The following NBPF20 variants were observed in gnomAD, a reference collection of about 807,000 sequenced individuals.
NBPF20 encodes the protein NBPF family member NBPF20.
NBPF20 carries 90 observed loss-of-function variants against 68.1 expected under a neutral mutation model. That is an observed-to-expected ratio of 1.32 (90% CI 1.11 to 1.58). The LOEUF (loss-of-function observed/expected upper bound fraction) is 1.58. Ranked by LOEUF, NBPF20 falls within the 40% of genes most tolerant of loss-of-function variation. The probability of loss-of-function intolerance (pLI) is 0.00; values close to 1 mark genes in which losing one functional copy is unlikely to be tolerated. For missense variants in NBPF20, 816 were observed against 601.2 expected (o/e 1.36, Z -3.74); for synonymous variants, 290 against 228.1 (o/e 1.27, Z -2.45).
the NBPF20 span, among the ~76,000 whole-genome samples, chr1:145,421,082 G>T: frequency 7.0e-6 from 1 of 142,754 alleles, no homozygotes; most frequent in Non-Finnish European, 1.5e-5. Flanking sequence ...AGCTATGATG[G>T]CACCACTGAA....
rs1447191919 is a variant in NBPF20, at chr1:145,392,766, A to G, written c.1216+308T>C. Among the ~76,000 whole-genome samples, 11 of 85,238 alleles carry G rather than the reference A, an allele frequency of 1.3e-4. 2 individuals are homozygous for G. The highest frequency in any genetic ancestry group is 2.2e-4 in the Non-Finnish European group (11 of 49,058). The allele number at this position is 85,238 out of a possible 152,430, so 55.9% of individuals were successfully genotyped here. The stretch of plus-strand genomic sequence containing the variant: ...AATTAGAGTGAAGGATGAAATCTAC[A>G]AGATCTACAAAATTGAGACAAAATC... On this transcript the variant is annotated intron_variant, in intron 10 of 137. Transcript: ENST00000369373.
chr1:145,393,624 G>T (rs1480013392), intron 9 of NBPF20: 16 of 819,654 alleles, frequency 2.0e-5, no homozygotes, highest in Admixed American at 1.6e-4. Flanking sequence ...CATAAAATGT[G>T]CTCAAGTTTC....
intron 83 of NBPF20, among the ~76,000 whole-genome samples, chr1:145,334,863 A>G (rs1229874448): frequency 3.6e-5 from 5 of 138,958 alleles, no homozygotes; most frequent in Non-Finnish European, 8.2e-5. Context: ...GAGAGAGGAG[A>G]AAGTAAGCTC....
exon 138 of NBPF20, chr1:145,291,444 G>C: frequency 6.2e-7 from 1 of 1,611,490 alleles, no homozygotes; most frequent in Non-Finnish European, 8.5e-7. Flanking sequence ...GCTTCCAAAT[G>C]GAACTGTACT....
Position 145,405,327 on chromosome 1 carries a change from A to G in NBPF20, c.-35-20T>C. The G allele has an allele frequency of 1.3e-6, 2 of 1,504,944 alleles. No individual in the cohort carries two copies. Among genetic ancestry groups the G allele is most frequent in the Admixed American group, 3.4e-5 (2 of 59,694 alleles). The allele number at this position is 1,504,944 out of a possible 1,614,324, so 93.2% of individuals were successfully genotyped here. ...CAGGGACTGGGGAGAAGAAACCCAA[A>G]CATATGATGGGTTAAAAACTGGTGA... On this transcript the variant is annotated intron_variant, in intron 1 of 137. Coordinates refer to ENST00000369373, the Ensembl canonical transcript of NBPF20.
chr1:145,400,678 G>A (rs1382566092), intron 5 of NBPF20, 84 bp from the exon 11 acceptor site: 28 of 1,528,854 alleles, frequency 1.8e-5, no homozygotes, highest in African/African-American at 1.4e-4. Flanking sequence ...GTTTTGACAG[G>A]CGGCATTAAG....
At chr1:145,399,763 C>A in intron 6 of NBPF20, among the ~76,000 whole-genome samples, 1 of 113,554 alleles carries the variant, frequency 8.8e-6, no homozygotes. Flanking sequence ...GGTGACAGAG[C>A]AAGACTCCAT....
At chr1:145,410,779 TACACACAC>T in the NBPF20 span, among the ~76,000 whole-genome samples, 9 of 128,790 alleles carry the variant, frequency 7.0e-5, no homozygotes, top group Non-Finnish European at 1.4e-4. Flanking sequence ...TATATATATA[TACACACAC>T]ATATATATAC....
the NBPF20 span, among the ~76,000 whole-genome samples, chr1:145,421,145 C>T: frequency 6.7e-6 from 1 of 149,648 alleles, no homozygotes; most frequent in East Asian, 2.0e-4. Context: ...ACTTGAGTAG[C>T]CAGGGAAGTT....
chr1:145,290,576 G>T (rs1160146891), exon 138 of NBPF20: 5 of 150,202 alleles, frequency 3.3e-5, no homozygotes, highest in Non-Finnish European at 7.4e-5. Context: ...AAAAAGATGA[G>T]GAAATATTTG....
exon 138 of NBPF20, chr1:145,291,592 C>T (rs1220847190): frequency 1.2e-6 from 2 of 1,611,870 alleles, no homozygotes; most frequent in African/African-American, 1.3e-5. Context: ...AAGTAAAAAA[C>T]CTATTGTCCA....
At chr1:145,394,921 T>C (rs1252495824) in intron 8 of NBPF20, 57 bp downstream of exon 13, 2 of 1,601,222 alleles carry the variant, frequency 1.2e-6, no homozygotes, top group African/African-American at 2.7e-5. Context: ...CCAAAGATTA[T>C]GGGGTCTACC....
At chr1:145,422,133 C>T in the NBPF20 span, among the ~76,000 whole-genome samples, 15 of 149,616 alleles carry the variant, frequency 1.0e-4, no homozygotes, top group South Asian at 2.1e-4. Context: ...AATGGCTTAA[C>T]GCTTATTTAG....
chr1:145,400,379 C>T lies in NBPF20; in HGVS notation c.775+7G>A, dbSNP rs1446275744. The T allele has an allele frequency of 6.8e-6, 11 of 1,612,422 alleles. No homozygotes were observed. The highest frequency in any genetic ancestry group is 1.7e-5 in the Admixed American group (1 of 59,974). On this transcript the variant is annotated splice_region_variant and intron_variant, in intron 6 of 137. Coordinates refer to ENST00000369373, the Ensembl canonical transcript of NBPF20. ...AGAGAGGTATGAGACACAAGGAAAA[C>T]AGAGGCTACCTGGAATAATGTGTAC...
the NBPF20 span, among the ~76,000 whole-genome samples, chr1:145,425,550 G>A: frequency 6.6e-6 from 1 of 152,170 alleles, no homozygotes; most frequent in Non-Finnish European, 1.5e-5. Flanking sequence ...CTCAACCGCC[G>A]CCCAGCCCAT....
chr1:145,394,400 T>C (rs1662111324), intron 8 of NBPF20, among the ~76,000 whole-genome samples: 1 of 152,098 alleles, frequency 6.6e-6, no homozygotes, highest in Non-Finnish European at 1.5e-5. Flanking sequence ...TCAGCTATTA[T>C]GGCTTTTGTG....
At position 145,402,368 on chromosome 1, in the gene NBPF20, G is replaced by A; in HGVS notation, c.292C>T (p.Leu98=). 2.5e-6 allele frequency: 4 copies of A among 1,605,108 alleles called. No individual in the cohort carries two copies. The South Asian group carries it at 3.3e-5, about 13-fold the overall frequency. ...AGCTCTCGTTCCTGAGCGTGAACCA[G>A]GACTTTATATTGCCTAAGGTGAGAC... is the stretch of plus-strand genomic sequence containing the variant. Residue 98 remains leucine, a synonymous_variant, in exon 4 of 138, where the codon CTG becomes TTG. Transcript: ENST00000369373.
At chr1:145,394,009 A>T (rs2101536324) in intron 8 of NBPF20, 74 bp from the exon 14 acceptor site, 3 of 824,952 alleles carry the variant, frequency 3.6e-6, no homozygotes, top group East Asian at 4.8e-5. Flanking sequence ...CCTCTGTCCA[A>T]TCCTAACACA....
the NBPF20 span, among the ~76,000 whole-genome samples, chr1:145,424,696 C>T: frequency 9.9e-5 from 15 of 152,198 alleles, no homozygotes; most frequent in Admixed American, 2.0e-4. Context: ...ATGAGAAGAT[C>T]TAACAAGCCA....
Sources: gnomAD v4.1 joint callset for allele counts (sites outside exome capture counted in the v4.1 genomes callset) on GRCh38, gnomAD v4.1.1 for gene constraint, MANE v1.5 for transcripts, NCBI Gene and HGNC (gene_info 2026-07-23, HGNC 2026-07-21) for gene names.